Variants in PPP1R12B observed in about 807,000 individuals in gnomAD.
PPP1R12B encodes the protein protein phosphatase 1 regulatory subunit 12B.
In PPP1R12B, 76 loss-of-function variants were observed where a neutral mutation model predicts 126.1. The ratio of observed to expected loss-of-function variants is 0.60; its 90% CI spans 0.50 to 0.73. The LOEUF (loss-of-function observed/expected upper bound fraction) is 0.73. Among genes scored for constraint, PPP1R12B ranks in the 30% least tolerant of loss-of-function variants. The probability of loss-of-function intolerance (pLI) is 0.00; values close to 1 mark genes in which losing one functional copy is unlikely to be tolerated. For synonymous variants in PPP1R12B, 356 were observed against 434.7 expected (o/e 0.82, Z 2.25); for missense variants, 1,052 against 1,205.1 (o/e 0.87, Z 1.88).
rs1425397866 is a variant in PPP1R12B, at chr1:202,582,296, C to T, written c.*1736C>T. 4 of 152,698 alleles carry T rather than the reference C, an allele frequency of 2.6e-5. No homozygotes were observed. The highest frequency in any genetic ancestry group is 6.5e-5 in the Admixed American group (1 of 15,298). 9.5% of individuals were successfully genotyped at this position (152,698 alleles called of 1,614,324 possible). A position where few individuals can be genotyped will look rare whatever the true frequency, so the allele number is the denominator to read the frequency against. ...CAGCCTTTAAAATATCATGTCCAGG[C>T]CTGGAAAGAATACAAATCCAGTGCA... is the stretch of plus-strand genomic sequence containing the variant. On this transcript the variant is annotated 3_prime_UTR_variant, in exon 24 of 24. Transcript: ENST00000608999.
At chr1:202,448,687 C>G (rs531493582) in intron 12 of PPP1R12B, 8 of 329,254 alleles carry the variant, frequency 2.4e-5, no homozygotes, top group African/African-American at 1.7e-4. Flanking sequence ...TTAAAACACT[C>G]TTGCATATGT....
intron 1 of PPP1R12B, among the ~76,000 whole-genome samples, chr1:202,409,788 C>T (rs1381734672): frequency 6.6e-6 from 1 of 152,166 alleles, no homozygotes; most frequent in African/African-American, 2.4e-5. Flanking sequence ...CTCAGCCTCC[C>T]AAATAACTGG....
chr1:202,540,902 G>A (rs1425360776), intron 18 of PPP1R12B, among the ~76,000 whole-genome samples: 1 of 152,164 alleles, frequency 6.6e-6, no homozygotes, highest in African/African-American at 2.4e-5. Flanking sequence ...GTATGGAGGT[G>A]TTTGTGATGT....
At position 202,467,220 on chromosome 1, in the gene PPP1R12B, CT is replaced by C. The variant is rs79038359; in HGVS notation, c.1850+18064del. On this transcript the variant is annotated intron_variant, in intron 13 of 23. Transcript: ENST00000608999. ...CCCTTGTTTTGTAGGATGTCTCTCT[CT>C]TTTTTTTTTTTTTTAATTATACTTT... 6.1e-3 allele frequency among the ~76,000 whole-genome samples: 859 copies of C among 140,454 alleles called. 3 individuals carry two copies. The highest frequency in any genetic ancestry group is 0.024 in the East Asian group (119 of 4,866). 92.1% of individuals were successfully genotyped at this position (140,454 alleles called of 152,430 possible).
At chr1:202,569,031 G>C in intron 22 of PPP1R12B, 116 bp from the exon 23 acceptor site, 1 of 1,126,440 alleles carries the variant, frequency 8.9e-7, no homozygotes, top group Non-Finnish European at 1.3e-6. Flanking sequence ...AGGTTTGCCT[G>C]AGTCAGCAGA....
chr1:202,476,304 G>A (rs886922324), intron 13 of PPP1R12B, among the ~76,000 whole-genome samples: 1 of 151,314 alleles, frequency 6.6e-6, no homozygotes, highest in African/African-American at 2.4e-5. Flanking sequence ...TCAGTGGTCA[G>A]TATTAGATAT....
At chr1:202,504,672 G>C (rs1680621893) in intron 18 of PPP1R12B, among the ~76,000 whole-genome samples, 1 of 152,088 alleles carries the variant, frequency 6.6e-6, no homozygotes, top group South Asian at 2.1e-4. Flanking sequence ...CTTTATATCT[G>C]TTATATCTCT....
intron 1 of PPP1R12B, among the ~76,000 whole-genome samples, chr1:202,403,030 T>A (rs1422724106): frequency 6.6e-6 from 1 of 152,230 alleles, no homozygotes; most frequent in East Asian, 1.9e-4. Flanking sequence ...GGGGTCACTG[T>A]GAACTTCTTT....
intron 18 of PPP1R12B, among the ~76,000 whole-genome samples, chr1:202,555,809 A>G (rs1421714631): frequency 6.6e-6 from 1 of 152,144 alleles, no homozygotes; most frequent in African/African-American, 2.4e-5. Context: ...TGTGAATTCA[A>G]TTCCTTGAAC....
At chr1:202,433,388 AT>A (rs1670419831) in intron 8 of PPP1R12B, among the ~76,000 whole-genome samples, 1 of 152,152 alleles carries the variant, frequency 6.6e-6, no homozygotes, top group Non-Finnish European at 1.5e-5. Context: ...TCACATTGCT[AT>A]TGGCATAAAC....
chr1:202,421,301 CTTTTTTTTTT>C (rs764287116), intron 2 of PPP1R12B, among the ~76,000 whole-genome samples: 1 of 136,780 alleles, frequency 7.3e-6, no homozygotes, highest in African/African-American at 2.7e-5. Flanking sequence ...TTATCTCTCT[CTTTTTTTTTT>C]TTTTTTTTTA....
intron 13 of PPP1R12B, among the ~76,000 whole-genome samples, chr1:202,484,151 A>G (rs1677766545): frequency 6.6e-6 from 1 of 152,052 alleles, no homozygotes; most frequent in Non-Finnish European, 1.5e-5. Flanking sequence ...GCTATTTTGT[A>G]AATTTTTTTT....
At chr1:202,455,606 C>A (rs1272513905) in intron 13 of PPP1R12B, among the ~76,000 whole-genome samples, 1 of 152,132 alleles carries the variant, frequency 6.6e-6, no homozygotes, top group Non-Finnish European at 1.5e-5. Context: ...TTTTGTTTGT[C>A]CATTCATAAG....
rs370138231 is a variant in PPP1R12B, at chr1:202,445,800, A to G, written c.1668-3189A>G. ...ATCTTCTTGGTTTCTAGTTCATCTA[A>G]GGGATAGCATGGTAGAATGTTACTG... On this transcript the variant is annotated intron_variant, in intron 12 of 23. Coordinates refer to ENST00000608999, the MANE Select transcript of PPP1R12B (RefSeq NM_002481.4). Among the ~76,000 whole-genome samples the G allele has an allele frequency of 6.6e-4, 101 of 152,302 alleles. No individual in the cohort carries two copies. In the South Asian group the frequency reaches 0.011, roughly 17 times the overall value.
intron 19 of PPP1R12B, among the ~76,000 whole-genome samples, chr1:202,561,029 T>TA (rs955566717): frequency 1.4e-5 from 2 of 147,522 alleles, no homozygotes; most frequent in Admixed American, 6.7e-5. Context: ...AAAATAAAAA[T>TA]AAAAAAAATA....
chr1:202,579,710 A>T (rs2149044223), intron 23 of PPP1R12B, among the ~76,000 whole-genome samples: 1 of 152,328 alleles, frequency 6.6e-6, no homozygotes, highest in South Asian at 2.1e-4. Flanking sequence ...CCCAACAAGC[A>T]TCTATTTCTG....
chr1:202,540,898 A>G (rs559056936), intron 18 of PPP1R12B, among the ~76,000 whole-genome samples: 1 of 152,224 alleles, frequency 6.6e-6, no homozygotes, highest in African/African-American at 2.4e-5. Context: ...AGCTGTATGG[A>G]GGTGTTTGTG....
At chr1:202,480,278 G>A (rs1677180027) in intron 13 of PPP1R12B, among the ~76,000 whole-genome samples, 1 of 152,162 alleles carries the variant, frequency 6.6e-6, no homozygotes, top group Non-Finnish European at 1.5e-5. Flanking sequence ...CTAAAGAAAT[G>A]ATTAGTGAAC....
At chr1:202,425,439 A>T (rs781208842) in intron 3 of PPP1R12B, 127 bp from the exon 4 acceptor site, 2 of 1,034,986 alleles carry the variant, frequency 1.9e-6, no homozygotes, top group African/African-American at 1.6e-5. Flanking sequence ...TTTGATAATT[A>T]CCCAACTTGA....
Sources: allele counts gnomAD v4.1 joint callset (sites outside exome capture counted in the v4.1 genomes callset), GRCh38; gene constraint gnomAD v4.1.1; transcripts MANE v1.5; gene names NCBI Gene and HGNC (gene_info 2026-07-23, HGNC 2026-07-21).